The following FARS2 variants were observed in gnomAD, a reference collection of about 807,000 sequenced individuals.
FARS2 encodes phenylalanyl-tRNA synthetase 2, mitochondrial, also known as phenylalanine--tRNA ligase, mitochondrial.
Under a neutral mutation model 46.4 loss-of-function variants are expected in FARS2, and 40 were observed. That is an observed-to-expected ratio of 0.86 (90% CI 0.67 to 1.12). FARS2 has a LOEUF of 1.12. Among genes scored for constraint, FARS2 ranks in the 50% most tolerant of loss-of-function variants. FARS2 has a pLI of 0.00. For synonymous variants in FARS2, 234 were observed against 214.9 expected (o/e 1.09, Z -0.78); for missense variants, 513 against 567.9 (o/e 0.90, Z 0.98).
At chr6:5,466,177 G>A (rs1017753887) in intron 4 of FARS2, among the ~76,000 whole-genome samples, 3 of 152,196 alleles carry the variant, frequency 2.0e-5, no homozygotes, top group Non-Finnish European at 4.4e-5. Context: ...ACTCCTGGCT[G>A]TAGTGCCTTC....
chr6:5,737,570 C>T (rs930165804), intron 6 of FARS2, among the ~76,000 whole-genome samples: 2 of 152,212 alleles, frequency 1.3e-5, no homozygotes, highest in African/African-American at 4.8e-5. Context: ...AGTGAGCCCC[C>T]TCCCTGCTTT....
At chr6:5,476,259 A>G (rs1004783616) in intron 4 of FARS2, among the ~76,000 whole-genome samples, 2 of 152,182 alleles carry the variant, frequency 1.3e-5, no homozygotes, top group Non-Finnish European at 2.9e-5. Flanking sequence ...GTGAGATGTT[A>G]TCTCCTTCTC....
At chr6:5,418,495 T>C (rs576274144) in intron 3 of FARS2, among the ~76,000 whole-genome samples, 90 of 152,200 alleles carry the variant, frequency 5.9e-4, no homozygotes, top group African/African-American at 2.0e-3. Context: ...AATTATGAGG[T>C]TTTCCCCTTG....
intron 1 of FARS2, among the ~76,000 whole-genome samples, chr6:5,339,590 C>T (rs1771410869): frequency 5.3e-5 from 8 of 152,016 alleles, no homozygotes; most frequent in Admixed American, 3.9e-4. Context: ...CCTTGCCTGG[C>T]TACTTTTTAT....
rs1239353549 is a variant in FARS2, at chr6:5,543,572, A to G, written c.905-1608A>G. ...TAGAGACGGGGTTTCACTGTTGGCC[A>G]GGCTGGTCTTGAACTCCTGACCTCG... On this transcript the variant is annotated intron_variant, in intron 4 of 6. Coordinates refer to ENST00000274680, the MANE Select transcript of FARS2 (RefSeq NM_006567.5). Among the ~76,000 whole-genome samples the G allele has an allele frequency of 2.0e-5, 3 of 152,158 alleles. No individual in the cohort carries two copies. The East Asian group carries it at 5.8e-4, about 29-fold the overall frequency.
rs553059548 is a variant in FARS2 at position 5,408,361 on chromosome 6, A to G, written c.772+3660A>G. ...GTGGGGGGGCAGAAGAATGGGGTGA[A>G]AAATGACAAAGCAGGTGACACAAGT... On this transcript the variant is annotated intron_variant, in intron 3 of 6. Transcript: ENST00000274680. 5.3e-5 allele frequency among the ~76,000 whole-genome samples: 8 copies of G among 152,306 alleles called. No individual in the cohort carries two copies. In the South Asian group the frequency reaches 1.5e-3, roughly 28 times the overall value.
In FARS2 at chr6:5,536,977, T is replaced by C. The variant is rs115444138; in HGVS notation, c.905-8203T>C. On this transcript the variant is annotated intron_variant, in intron 4 of 6. Coordinates refer to ENST00000274680, the MANE Select transcript of FARS2 (RefSeq NM_006567.5). ...TTTCAGACACTGTTTGAAACTTAAT[T>C]TCCCCCCACAATTACTCACCTTCTA... is the stretch of plus-strand genomic sequence containing the variant. Among the ~76,000 whole-genome samples, 1,031 of 152,262 alleles carry C rather than the reference T, an allele frequency of 6.8e-3. 7 individuals carry two copies. The highest frequency in any genetic ancestry group is 0.01 in the Non-Finnish European group (713 of 68,004).
At chr6:5,724,968 G>T (rs138989299) in intron 6 of FARS2, among the ~76,000 whole-genome samples, 1 of 152,368 alleles carries the variant, frequency 6.6e-6, no homozygotes, top group African/African-American at 2.4e-5. Context: ...TAGTGGGGCA[G>T]ATGCCATTAA....
At chr6:5,496,348 G>A (rs1767463703) in intron 4 of FARS2, among the ~76,000 whole-genome samples, 1 of 152,174 alleles carries the variant, frequency 6.6e-6, no homozygotes, top group Admixed American at 6.5e-5. Flanking sequence ...AAGGTGTTCA[G>A]CATTCAGAAT....
intron 5 of FARS2, among the ~76,000 whole-genome samples, chr6:5,555,963 G>C (rs1771632920): frequency 6.6e-6 from 1 of 152,016 alleles, no homozygotes; most frequent in South Asian, 2.1e-4. Context: ...ATTTATAACA[G>C]AGCCTGTCAC....
chr6:5,264,903 C>T (rs945064568), intron 1 of FARS2, among the ~76,000 whole-genome samples: 1 of 151,968 alleles, frequency 6.6e-6, no homozygotes, highest in South Asian at 2.1e-4. Context: ...AAGTGATTTT[C>T]CTGCCTCAGC....
intron 1 of FARS2, among the ~76,000 whole-genome samples, chr6:5,326,663 C>G (rs1770412479): frequency 6.6e-6 from 1 of 152,208 alleles, no homozygotes. Context: ...TTCAGGAACA[C>G]CACTGGAGCC....
chr6:5,615,979 C>T (rs954611845), intron 6 of FARS2, among the ~76,000 whole-genome samples: 1 of 128,812 alleles, frequency 7.8e-6, no homozygotes, highest in African/African-American at 2.9e-5. Flanking sequence ...GAGATAGAGA[C>T]TTTACACTTC....
intron 6 of FARS2, among the ~76,000 whole-genome samples, chr6:5,739,033 A>G (rs535963950): frequency 6.6e-6 from 1 of 152,020 alleles, no homozygotes; most frequent in Non-Finnish European, 1.5e-5. Context: ...CCTTACCCCC[A>G]CCATCACTAC....
At chr6:5,655,075 T>C (rs2150768524) in intron 6 of FARS2, among the ~76,000 whole-genome samples, 1 of 152,352 alleles carries the variant, frequency 6.6e-6, no homozygotes, top group African/African-American at 2.4e-5. Context: ...AAGTAGGCTA[T>C]GAGTAGTTAA....
chr6:5,532,595 C>CA (rs1769913098), intron 4 of FARS2, among the ~76,000 whole-genome samples: 1 of 152,010 alleles, frequency 6.6e-6, no homozygotes, highest in Non-Finnish European at 1.5e-5. Flanking sequence ...ACCAAAAATA[C>CA]AAAAAATTAG....
At chr6:5,269,238 A>C (rs1765771243) in intron 1 of FARS2, among the ~76,000 whole-genome samples, 4 of 152,110 alleles carry the variant, frequency 2.6e-5, no homozygotes, top group Admixed American at 2.6e-4. Flanking sequence ...TATCGCAAGG[A>C]CAGAAAACCA....
intron 6 of FARS2, among the ~76,000 whole-genome samples, chr6:5,660,584 G>GACTGCAGTGAGGCATAATCACACC (rs1777803659): frequency 6.6e-6 from 1 of 151,204 alleles, no homozygotes; most frequent in South Asian, 2.1e-4. Context: ...GGAGGTCAAG[G>GACTGCAGTGAGGCATAATCACACC]ACTGCAGTGA....
intron 5 of FARS2, among the ~76,000 whole-genome samples, chr6:5,591,215 A>G (rs1047392584): frequency 5.9e-5 from 9 of 152,210 alleles, no homozygotes; most frequent in Admixed American, 2.0e-4. Flanking sequence ...GAACTTAGAG[A>G]AAAGAATACC....
Sources: gnomAD v4.1 joint callset for allele counts (sites outside exome capture counted in the v4.1 genomes callset) on GRCh38, gnomAD v4.1.1 for gene constraint, MANE v1.5 for transcripts, NCBI Gene and HGNC (gene_info 2026-07-23, HGNC 2026-07-21) for gene names.